Variants in ATL2 observed in about 807,000 individuals in gnomAD.
ATL2 encodes the protein atlastin GTPase 2.
In ATL2, 31 loss-of-function variants were observed where a neutral mutation model predicts 73.9. The ratio of observed to expected loss-of-function variants is 0.42; its 90% CI spans 0.32 to 0.57. The LOEUF (loss-of-function observed/expected upper bound fraction) is 0.57. Ranked by LOEUF, ATL2 falls within the 20% of genes least tolerant of loss-of-function variation. The pLI is 0.14. For missense variants in ATL2, 738 were observed against 702.6 expected, an observed-to-expected ratio of 1.05 and a Z score of -0.57; for synonymous variants, 291 against 237.5, an observed-to-expected ratio of 1.23 and a Z score of -2.07.
intron 2 of ATL2, among the ~76,000 whole-genome samples, chr2:38,328,834 T>C (rs541380819): frequency 1.7e-4 from 25 of 151,072 alleles, no homozygotes; most frequent in East Asian, 3.9e-4. Context: ...ACTGATGAAA[T>C]TGAAACAAGA....
Position 38,294,883 on chromosome 2 carries a change from C to T in ATL2, c.*1111G>A, listed in dbSNP as rs1226916960. On this transcript the variant is annotated 3_prime_UTR_variant, in exon 13 of 13. Transcript: ENST00000378954. ...TTCCTTAAAAAAGAATCACAAGTTT[C>T]ATTTTATATATACAACAAATTTTTA... 1 of 151,170 alleles carries T rather than the reference C, an allele frequency of 6.6e-6. No homozygotes were observed. Among genetic ancestry groups the T allele is most frequent in the Non-Finnish European group, 1.5e-5 (1 of 67,946 alleles). 9.4% of individuals were successfully genotyped at this position (151,170 alleles called of 1,614,324 possible).
chr2:38,361,169 T>C (rs1413038025), intron 1 of ATL2, among the ~76,000 whole-genome samples: 1 of 151,678 alleles, frequency 6.6e-6, no homozygotes, highest in Non-Finnish European at 1.5e-5. Flanking sequence ...CTGGCTAACG[T>C]GGTGAAACCC....
At chr2:38,343,166 A>G in intron 2 of ATL2, 102 bp downstream of exon 2, 2 of 781,016 alleles carry the variant, frequency 2.6e-6, no homozygotes, top group Non-Finnish European at 3.5e-6. Flanking sequence ...AAAAAAAAAA[A>G]AAAAAAAAAA....
chr2:38,331,400 C>A (rs1043987508), intron 2 of ATL2, among the ~76,000 whole-genome samples: 11 of 145,608 alleles, frequency 7.6e-5, no homozygotes, highest in Non-Finnish European at 4.5e-5. Flanking sequence ...TGAACCACTG[C>A]ACTCCAGCCT....
intron 2 of ATL2, among the ~76,000 whole-genome samples, chr2:38,320,241 T>C (rs543482580): frequency 8.5e-5 from 13 of 152,300 alleles, no homozygotes; most frequent in Non-Finnish European, 1.6e-4. Flanking sequence ...GTTATCTCAT[T>C]AGATGGTGTT....
intron 2 of ATL2, among the ~76,000 whole-genome samples, chr2:38,339,153 T>C (rs377485144): frequency 6.6e-6 from 1 of 151,984 alleles, no homozygotes; most frequent in South Asian, 2.1e-4. Context: ...GAGGCGGAGG[T>C]TGCAGTGAGC....
At chr2:38,311,882 C>T (rs1667775577) in intron 7 of ATL2, among the ~76,000 whole-genome samples, 1 of 152,118 alleles carries the variant, frequency 6.6e-6, no homozygotes, top group South Asian at 2.1e-4. Context: ...GTCTATTGTG[C>T]TTTGTGTTAA....
At chr2:38,357,109 C>G (rs899032543) in intron 1 of ATL2, among the ~76,000 whole-genome samples, 1 of 152,104 alleles carries the variant, frequency 6.6e-6, no homozygotes, top group African/African-American at 2.4e-5. Context: ...GCAGGTGGAT[C>G]ATGAGGTCAG....
chr2:38,376,007 T>C, intron 1 of ATL2: 1 of 1,290,730 alleles, frequency 7.7e-7, no homozygotes, highest in Non-Finnish European at 1.0e-6. Context: ...CATACCAAAA[T>C]GCTTTACATT....
chr2:38,369,247 C>G (rs1274003077), intron 1 of ATL2, among the ~76,000 whole-genome samples: 1 of 150,324 alleles, frequency 6.7e-6, no homozygotes, highest in African/African-American at 2.4e-5. Context: ...GTCAGGAGTT[C>G]AAGACCAGCC....
intron 2 of ATL2, among the ~76,000 whole-genome samples, chr2:38,328,983 A>C (rs1668824524): frequency 6.6e-6 from 1 of 151,984 alleles, no homozygotes; most frequent in Non-Finnish European, 1.5e-5. Context: ...AAGAATCTTC[A>C]TTACTAATTC....
At chr2:38,375,644 G>T (rs1671917648) in intron 1 of ATL2, among the ~76,000 whole-genome samples, 1 of 152,120 alleles carries the variant, frequency 6.6e-6, no homozygotes, top group Non-Finnish European at 1.5e-5. Flanking sequence ...AGGAAAGAAA[G>T]AAAGAGAAAG....
intron 1 of ATL2, among the ~76,000 whole-genome samples, chr2:38,347,421 A>C (rs982314787): frequency 5.9e-5 from 9 of 152,166 alleles, no homozygotes; most frequent in Admixed American, 2.6e-4. Context: ...TTATGTCTCC[A>C]TCATCCAGCT....
At chr2:38,299,182 AT>A (rs1481966522) in intron 11 of ATL2, 73 bp downstream of exon 11, 56 of 1,344,686 alleles carry the variant, frequency 4.2e-5, no homozygotes, top group Non-Finnish European at 5.1e-5. Flanking sequence ...TATTTAAAAA[AT>A]TTTTTTAATT....
intron 2 of ATL2, among the ~76,000 whole-genome samples, chr2:38,328,243 C>G (rs1212479450): frequency 6.6e-6 from 1 of 152,140 alleles, no homozygotes; most frequent in African/African-American, 2.4e-5. Context: ...ACTGGGAGAC[C>G]TCACACCTCT....
chr2:38,296,527 G>C (rs1185489596), intron 12 of ATL2: 1 of 1,613,902 alleles, frequency 6.2e-7, no homozygotes, highest in African/African-American at 1.3e-5. Context: ...CTCTGTCGCT[G>C]TGCTGATGAA....
intron 1 of ATL2, chr2:38,358,558 G>A: frequency 3.0e-6 from 1 of 333,262 alleles, no homozygotes; most frequent in Non-Finnish European, 6.2e-6. Flanking sequence ...CGGACACGGT[G>A]GCAGGCGCCT....
At chr2:38,328,307 G>A (rs1054374723) in intron 2 of ATL2, among the ~76,000 whole-genome samples, 5 of 152,148 alleles carry the variant, frequency 3.3e-5, no homozygotes, top group African/African-American at 1.2e-4. Context: ...TAGTCGAGCT[G>A]AACAGCATCA....
intron 7 of ATL2, among the ~76,000 whole-genome samples, chr2:38,312,867 T>C (rs950026219): frequency 6.6e-6 from 1 of 152,192 alleles, no homozygotes; most frequent in Non-Finnish European, 1.5e-5. Context: ...CAAGTAGTTC[T>C]TTATGCTGTG....
Sources: allele counts gnomAD v4.1 joint callset (sites outside exome capture counted in the v4.1 genomes callset), GRCh38; gene constraint gnomAD v4.1.1; transcripts MANE v1.5; gene names NCBI Gene and HGNC (gene_info 2026-07-23, HGNC 2026-07-21).